ING1: variants seen among roughly 807,000 people sequenced by gnomAD.
ING1 encodes the protein inhibitor of growth family member 1.
Under a neutral mutation model 23.1 loss-of-function variants are expected in ING1, and 4 were observed. That is an observed-to-expected ratio of 0.17 (90% CI 0.09 to 0.40). The LOEUF (loss-of-function observed/expected upper bound fraction) is 0.40. ING1 is among the 10% of genes least tolerant of loss of function. The pLI is 1.00. For missense variants in ING1, 256 were observed against 393.8 expected (o/e 0.65, Z 2.96); for synonymous variants, 179 against 166.4 (o/e 1.08, Z -0.58).
chr13:110,717,554 C>T (rs933103023), intron 1 of ING1, among the ~76,000 whole-genome samples: 3 of 152,174 alleles, frequency 2.0e-5, no homozygotes, highest in African/African-American at 7.2e-5. Context: ...TGGCCAGGCA[C>T]GGTGGCTCAC....
chr13:110,713,739 G>C lies in ING1; in HGVS notation c.-411G>C. On this transcript the variant is annotated 5_prime_UTR_variant, in exon 1 of 2. Coordinates refer to ENST00000333219, the MANE Select transcript of ING1 (RefSeq NM_198219.3). ...GGACAAGTGCGGCTCGGCGGCCAGCGGAGCGCGCCCCTTCCCGCTGCCCGC... is the reference window on the plus strand; with the variant it reads ...GGACAAGTGCGGCTCGGCGGCCAGCCGAGCGCGCCCCTTCCCGCTGCCCGC... The C allele has an allele frequency of 2.0e-6, 2 of 985,170 alleles. No homozygotes were observed. Among genetic ancestry groups the C allele is most frequent in the South Asian group, 4.7e-5 (1 of 21,294 alleles). 61.0% of individuals were successfully genotyped at this position (985,170 alleles called of 1,614,324 possible).
chr13:110,716,756 A>T (rs1007332192), intron 1 of ING1, among the ~76,000 whole-genome samples: 5 of 152,178 alleles, frequency 3.3e-5, no homozygotes, highest in African/African-American at 1.2e-4. Context: ...GCTGCTTTCC[A>T]TGGTAATGTT....
At chr13:110,713,628 G>C, upstream of ING1, 1 of 984,808 alleles carries the variant, frequency 1.0e-6, no homozygotes, top group Non-Finnish European at 1.2e-6. Flanking sequence ...CCGTTGCCGG[G>C]GGAGGGGGCC....
chr13:110,715,653 C>A, intron 1 of ING1: 5 of 1,612,502 alleles, frequency 3.1e-6, no homozygotes, highest in Non-Finnish European at 4.2e-6. Context: ...GTTCTTCTCG[C>A]TGCTGGGGCG....
At chr13:110,715,824 C>T in intron 1 of ING1, 1 of 1,588,052 alleles carries the variant, frequency 6.3e-7, no homozygotes, top group South Asian at 1.1e-5. Context: ...CCCGGCCCCT[C>T]TCCCCGCTCA....
At chr13:110,716,290 G>A (rs939290909) in intron 1 of ING1, among the ~76,000 whole-genome samples, 2 of 152,262 alleles carry the variant, frequency 1.3e-5, no homozygotes, top group African/African-American at 2.4e-5. Context: ...GTTCACCTAG[G>A]GTGATGAACT....
intron 1 of ING1, among the ~76,000 whole-genome samples, chr13:110,714,734 C>T (rs2064088799): frequency 6.6e-6 from 1 of 152,320 alleles, no homozygotes; most frequent in Admixed American, 6.5e-5. Context: ...GCCTCGGTCC[C>T]GGGCAACGCC....
At chr13:110,715,180 A>C in intron 1 of ING1, 2 of 1,210,940 alleles carry the variant, frequency 1.7e-6, no homozygotes, top group South Asian at 6.9e-5. Context: ...CTGCGAGGTC[A>C]GTCAAGGCTT....
In ING1 at chr13:110,719,173, G is replaced by T. The variant is rs1306269469; in HGVS notation, c.137-56G>T. 1.3e-5 allele frequency: 20 copies of T among 1,564,708 alleles called. No individual in the cohort carries two copies. The East Asian group carries it at 3.8e-4, about 30-fold the overall frequency. On this transcript the variant is annotated intron_variant, in intron 1 of 1. Coordinates refer to ENST00000333219, the MANE Select transcript of ING1 (RefSeq NM_198219.3). The surrounding 1 kb of genome is among the most constrained non-coding windows in gnomAD (Gnocchi z 8.9). ...CCTCTCCGTAGACCCGTCCGGGGCCGTGTGGGTTGTCCCGGTGTCCTGCTC... is the reference window on the plus strand; with the variant it reads ...CCTCTCCGTAGACCCGTCCGGGGCCTTGTGGGTTGTCCCGGTGTCCTGCTC...
chr13:110,715,932 C>T (rs1408126648), intron 1 of ING1: 3 of 1,559,288 alleles, frequency 1.9e-6, no homozygotes, highest in African/African-American at 2.7e-5. Context: ...TCCCGCGACC[C>T]GCGGGGCCGG....
upstream of ING1, chr13:110,712,886 C>G (rs771739270): frequency 4.2e-6 from 6 of 1,422,294 alleles, no homozygotes; most frequent in East Asian, 2.5e-5. Flanking sequence ...AAACTGAGTA[C>G]CGGGAGACGA....
chr13:110,722,890 C>G lies in ING1; in HGVS notation c.*2958C>G, dbSNP rs1172707617. The stretch of plus-strand genomic sequence containing the variant: ...TTGGGATTTAGATCATGATTAGATA[C>G]AATAGAAAGATCCTGGAATCCCGAC... On this transcript the variant is annotated 3_prime_UTR_variant, in exon 2 of 2. Coordinates refer to ENST00000333219, the MANE Select transcript of ING1 (RefSeq NM_198219.3). 1.3e-5 allele frequency: 2 copies of G among 151,780 alleles called. No homozygotes were observed. The highest frequency in any genetic ancestry group is 4.2e-4 in the South Asian group (2 of 4,758). The allele number at this position is 151,780 out of a possible 1,614,324, so 9.4% of individuals were successfully genotyped here. A position where few individuals can be genotyped will look rare whatever the true frequency, so the allele number is the denominator to read the frequency against.
chr13:110,713,606 CG>C (rs1406780954), upstream of ING1: 26 of 985,078 alleles, frequency 2.6e-5, no homozygotes, highest in South Asian at 8.0e-4. Flanking sequence ...GTGAATGCGG[CG>C]GGGGGCGGGG....
chr13:110,713,145 C>T (rs1197367659), upstream of ING1: 4 of 1,430,242 alleles, frequency 2.8e-6, no homozygotes, highest in African/African-American at 2.9e-5. Flanking sequence ...ACGGTCTCCC[C>T]GCCTCCTCTT....
At chr13:110,713,270 G>A (rs1005994697), upstream of ING1, 84 of 1,315,716 alleles carry the variant, frequency 6.4e-5, no homozygotes, top group African/African-American at 1.1e-3. Context: ...AGAGTCAGGG[G>A]CTGAGGAGCG....
chr13:110,715,746 C>T (rs368390148), intron 1 of ING1: 484 of 1,582,730 alleles, frequency 3.1e-4, no homozygotes, highest in Non-Finnish European at 3.8e-4. Flanking sequence ...TAGGCGGCGG[C>T]TCTCGGGGTG....
chr13:110,715,325 T>C (rs766115660), intron 1 of ING1: 29 of 1,442,048 alleles, frequency 2.0e-5, no homozygotes, highest in South Asian at 1.8e-4. Context: ...ACTAGACGCC[T>C]CTGCCGGGAA....
chr13:110,722,248 G>C lies in ING1; in HGVS notation c.*2316G>C, dbSNP rs180869138. 2 of 152,174 alleles carry C rather than the reference G, an allele frequency of 1.3e-5. No homozygotes were observed. The highest frequency in any genetic ancestry group is 4.8e-5 in the African/African-American group (2 of 41,524). The allele number at this position is 152,174 out of a possible 1,614,324, so 9.4% of individuals were successfully genotyped here. A position where few individuals can be genotyped will look rare whatever the true frequency, so the allele number is the denominator to read the frequency against. On this transcript the variant is annotated 3_prime_UTR_variant, in exon 2 of 2. Transcript: ENST00000333219. The stretch of plus-strand genomic sequence containing the variant: ...AAACTCCAGAACATTTAAGAGTCTC[G>C]GGTGTTTAAATTTGATGAGATTTAC...
In ING1 at chr13:110,713,709, A is replaced by G; in HGVS notation, c.-441A>G. The stretch of plus-strand genomic sequence containing the variant: ...TTTGAAACTGGTATTTGGGTTTTCC[A>G]CGTTGGACAAGTGCGGCTCGGCGGC... On this transcript the variant is annotated 5_prime_UTR_variant, in exon 1 of 2. Transcript: ENST00000333219. 3 of 985,188 alleles carry G rather than the reference A, an allele frequency of 3.0e-6. No individual in the cohort carries two copies. Among genetic ancestry groups the G allele is most frequent in the Non-Finnish European group, 3.6e-6 (3 of 829,908 alleles). The allele number at this position is 985,188 out of a possible 1,614,324, so 61.0% of individuals were successfully genotyped here. A position where few individuals can be genotyped will look rare whatever the true frequency, so the allele number is the denominator to read the frequency against.
Sources: allele counts gnomAD v4.1 joint callset (sites outside exome capture counted in the v4.1 genomes callset), GRCh38; gene constraint gnomAD v4.1.1; non-coding constraint Gnocchi (gnomAD v3.1); transcripts MANE v1.5; gene names NCBI Gene and HGNC (gene_info 2026-07-23, HGNC 2026-07-21).